PSG8: variants seen among roughly 807,000 people sequenced by gnomAD.
PSG8 encodes the protein pregnancy-specific beta-1-glycoprotein 8.
Under a neutral mutation model 42.5 loss-of-function variants are expected in PSG8, and 57 were observed. The ratio of observed to expected loss-of-function variants is 1.34; its 90% CI spans 1.08 to 1.67. The LOEUF is 1.67. PSG8 is among the 40% of genes most tolerant of loss of function. The probability of loss-of-function intolerance (pLI) is 0.00; values close to 1 mark genes in which losing one functional copy is unlikely to be tolerated. For missense variants in PSG8, 783 were observed against 518.6 expected, an observed-to-expected ratio of 1.51 and a Z score of -4.95; for synonymous variants, 280 against 196.8, an observed-to-expected ratio of 1.42 and a Z score of -3.54.
At chr19:42,760,197 C>G (rs1275728145) in intron 2 of PSG8, among the ~76,000 whole-genome samples, 1 of 152,098 alleles carries the variant, frequency 6.6e-6, no homozygotes, top group African/African-American at 2.4e-5. Context: ...ATGGCAATGG[C>G]TCATGTGTCT....
At chr19:42,759,477 AT>A (rs544126034) in intron 2 of PSG8, among the ~76,000 whole-genome samples, 1,683 of 151,806 alleles carry the variant, frequency 0.011, 37 homozygotes, top group African/African-American at 0.039. Flanking sequence ...TGGATTTCTA[AT>A]TTTTTTTTGT....
chr19:42,758,205 C>G lies in PSG8; in HGVS notation c.506G>C (p.Cys169Ser). ...REAMEAVSLT[C>S]DPETPDASYL... ...GCTTGCGTCCGGAGTCTCAGGATCA[C>G]AGGTTAAGCTCACAGCCTCCATGGC... Residue 169 changes from cysteine to serine, a missense_variant, in exon 3 of 5, where the codon TGT (cysteine) becomes TCT (serine). Cys to Ser is a moderately radical substitution (Grantham distance 112). Coordinates refer to ENST00000306511, the MANE Select transcript of PSG8 (RefSeq NM_182707.3). 2 of 1,614,064 alleles carry G rather than the reference C, an allele frequency of 1.2e-6. No individual in the cohort carries two copies. The highest frequency in any genetic ancestry group is 1.7e-6 in the Non-Finnish European group (2 of 1,179,980).
intron 2 of PSG8, among the ~76,000 whole-genome samples, chr19:42,760,442 T>G (rs974103458): frequency 1.6e-4 from 25 of 152,270 alleles, no homozygotes; most frequent in African/African-American, 5.8e-4. Context: ...TGAAATGTTG[T>G]TCCACTTTTT....
intron 2 of PSG8, among the ~76,000 whole-genome samples, chr19:42,763,152 C>T (rs1692232188): frequency 6.6e-6 from 1 of 152,160 alleles, no homozygotes; most frequent in Non-Finnish European, 1.5e-5. Context: ...AATTTGCTTC[C>T]ATGAGAAAGC....
rs757862245 is a variant in PSG8 at position 42,755,095 on chromosome 19, A to G, written c.881T>C (p.Ile294Thr). ...TCTCGTGACACTGGGTAGAATGAGG[A>G]TCCTGTTTTCAATGGGTCGCTTTAC... ...PRVKRPIENR[I>T]LILPSVTRNE... Residue 294 changes from isoleucine to threonine, a missense_variant, in exon 4 of 5, where the codon ATC (isoleucine) becomes ACC (threonine). Coordinates refer to ENST00000306511, the MANE Select transcript of PSG8 (RefSeq NM_182707.3). 5 of 1,611,956 alleles carry G rather than the reference A, an allele frequency of 3.1e-6. No individual in the cohort carries two copies. In the African/African-American group the frequency reaches 4.0e-5, roughly 13 times the overall value.
intron 1 of PSG8, 116 bp from the exon 2 acceptor site, chr19:42,764,397 C>G: frequency 6.8e-7 from 1 of 1,475,150 alleles, no homozygotes; most frequent in African/African-American, 1.4e-5. Flanking sequence ...CACAGACACA[C>G]ACACATACAA....
rs571505593 is a variant in PSG8 at position 42,757,552 on chromosome 19, G to A, written c.709+450C>T. On this transcript the variant is annotated intron_variant, in intron 3 of 4. Coordinates refer to ENST00000306511, the MANE Select transcript of PSG8 (RefSeq NM_182707.3). ...GAGAGCTTGGGGACTTCCCCTGTAT[G>A]GTAATAGGTGTATGAGGAGGAAATG... 1.0e-3 allele frequency among the ~76,000 whole-genome samples: 158 copies of A among 152,206 alleles called. 2 individuals carry two copies. The highest frequency in any genetic ancestry group is 3.7e-3 in the African/African-American group (155 of 41,528).
intron 2 of PSG8, among the ~76,000 whole-genome samples, chr19:42,760,840 G>A (rs751893458): frequency 5.9e-5 from 9 of 152,178 alleles, no homozygotes; most frequent in Non-Finnish European, 8.8e-5. Context: ...GCCTCCGAAA[G>A]TGCTGGTATT....
chr19:42,757,036 G>A (rs532930584), intron 3 of PSG8, among the ~76,000 whole-genome samples: 1 of 151,788 alleles, frequency 6.6e-6, no homozygotes, highest in African/African-American at 2.4e-5. Flanking sequence ...TAGTTTTCAG[G>A]GTATAATCAT....
chr19:42,763,436 C>A (rs1304007256), intron 2 of PSG8, among the ~76,000 whole-genome samples: 2 of 152,180 alleles, frequency 1.3e-5, no homozygotes, highest in African/African-American at 4.8e-5. Flanking sequence ...AATCCTCGGT[C>A]CCAGTAAGCC....
In PSG8 at chr19:42,754,505, G is replaced by T. The variant is rs116480924; in HGVS notation, c.1071C>A (p.Asp357Glu). 4 of 1,613,850 alleles carry T rather than the reference G, an allele frequency of 2.5e-6. 1 individual carries two copies. Among genetic ancestry groups the T allele is most frequent in the Non-Finnish European group, 3.4e-6 (4 of 1,179,860 alleles). Residue 357 changes from aspartate (D) to glutamate (E), a missense_variant, in exon 5 of 5, where the codon GAC becomes GAA. By Grantham distance (45) the Asp-to-Glu change is conservative. Transcript: ENST00000306511. ...AAGAATACTGTGCCGGTGGGTTAGAGTCCGCAGAACAGGACAAGTAGAGGA... is the reference window on the plus strand; with the variant it reads ...AAGAATACTGTGCCGGTGGGTTAGATTCCGCAGAACAGGACAAGTAGAGGA... ...GEVLYLSCSA[D>E]SNPPAQYSWT...
Position 42,765,545 on chromosome 19 carries a change from T to A in PSG8, c.37A>T (p.Ile13Phe), listed in dbSNP as rs1307105432. The A allele has an allele frequency of 6.2e-7, 1 of 1,611,356 alleles. No individual in the cohort carries two copies. Among genetic ancestry groups the A allele is most frequent in the Non-Finnish European group, 8.5e-7 (1 of 1,178,214 alleles). The stretch of plus-strand genomic sequence containing the variant: ...GTGAGCAGGAGCCCCTTCCAGGTGA[T>A]GCGCTGTGTGCAGGGAGGGGCTGAG... Reference protein sequence around the residue: ...LLSAPPCTQRITWKGLLLTAS... With the variant: ...LLSAPPCTQRFTWKGLLLTAS... The change falls in exon 1 of 5, where the codon ATC becomes TTC. Residue 13 changes from isoleucine (I) to phenylalanine (F), a missense_variant. Transcript: ENST00000306511.
At chr19:42,757,910 T>C (rs567418738) in intron 3 of PSG8, 92 bp downstream of exon 3, 22 of 1,613,172 alleles carry the variant, frequency 1.4e-5, no homozygotes, top group Non-Finnish European at 1.6e-5. Flanking sequence ...AAGGTCTCTG[T>C]ACTTGGACCT....
chr19:42,752,999 A>T, downstream of PSG8: 2 of 501,896 alleles, frequency 4.0e-6, no homozygotes, highest in Middle Eastern at 5.4e-4. Context: ...CTCAGAAGCT[A>T]CTACATGTGA....
chr19:42,764,621 T>C (rs1325936286), intron 1 of PSG8, among the ~76,000 whole-genome samples: 1 of 152,024 alleles, frequency 6.6e-6, no homozygotes. Context: ...AGGGCATCCT[T>C]AGATTTCTTT....
chr19:42,763,884 C>G, intron 2 of PSG8, 32 bp downstream of exon 2: 1 of 1,613,500 alleles, frequency 6.2e-7, no homozygotes, highest in Non-Finnish European at 8.5e-7. Flanking sequence ...CCCCTGTCCC[C>G]CAACACCCAG....
At chr19:42,754,679 A>C in intron 4 of PSG8, 92 bp from the exon 5 acceptor site, 1 of 1,456,482 alleles carries the variant, frequency 6.9e-7, no homozygotes, top group Non-Finnish European at 9.3e-7. Flanking sequence ...CCTCTGAGCC[A>C]AGACACACCC....
chr19:42,763,817 A>T (rs1970137234), intron 2 of PSG8, 99 bp downstream of exon 2: 1 of 1,592,640 alleles, frequency 6.3e-7, no homozygotes, highest in South Asian at 1.1e-5. Context: ...CATAATGCAG[A>T]GAGGGACACA....
At chr19:42,757,233 T>G (rs1969949250) in intron 3 of PSG8, among the ~76,000 whole-genome samples, 1 of 152,042 alleles carries the variant, frequency 6.6e-6, no homozygotes. Flanking sequence ...TTCCCTGTCC[T>G]GGGTTTTTGA....
Sources: gnomAD v4.1 joint callset for allele counts (sites outside exome capture counted in the v4.1 genomes callset) on GRCh38, gnomAD v4.1.1 for gene constraint, MANE v1.5 for transcripts, NCBI Gene and HGNC (gene_info 2026-07-23, HGNC 2026-07-21) for gene names.